The following CDH12 variants were observed in gnomAD, a reference collection of about 807,000 sequenced individuals.
The protein encoded by CDH12 is cadherin-12.
CDH12 carries 41 observed loss-of-function variants against 74.1 expected under a neutral mutation model. That is an observed-to-expected ratio of 0.55 (90% confidence interval 0.43 to 0.72). The LOEUF (loss-of-function observed/expected upper bound fraction) is 0.72, where lower values mean the gene tolerates loss of function less well. Ranked by LOEUF, CDH12 falls within the 30% of genes least tolerant of loss-of-function variation. The pLI, the probability that CDH12 is intolerant of heterozygous loss-of-function variation, is 0.00. For missense variants in CDH12, 945 were observed against 977.2 expected, an observed-to-expected ratio of 0.97 and a Z score of 0.44; for synonymous variants, 399 against 355.0, an observed-to-expected ratio of 1.12 and a Z score of -1.39.
intron 10 of CDH12, among the ~76,000 whole-genome samples, chr5:21,789,510 C>T (rs1239867556): frequency 6.6e-6 from 1 of 151,918 alleles, no homozygotes; most frequent in African/African-American, 2.4e-5. Context: ...TGTAAATGAG[C>T]GTCTTTTATT....
At chr5:22,448,369 T>C (rs1744912001) in intron 2 of CDH12, among the ~76,000 whole-genome samples, 3 of 151,844 alleles carry the variant, frequency 2.0e-5, no homozygotes, top group South Asian at 4.1e-4. Flanking sequence ...ATTTCCTCTG[T>C]TCCTTTTCCT....
At chr5:22,208,548 G>A (rs1049305501) in intron 4 of CDH12, among the ~76,000 whole-genome samples, 2 of 152,010 alleles carry the variant, frequency 1.3e-5, no homozygotes, top group Non-Finnish European at 2.9e-5. Context: ...TTCTTTTCCT[G>A]GCCACTAACT....
intron 1 of CDH12, among the ~76,000 whole-genome samples, chr5:22,563,734 T>G (rs1252311927): frequency 6.6e-6 from 1 of 152,178 alleles, no homozygotes; most frequent in Non-Finnish European, 1.5e-5. Context: ...AGAGGTTCAT[T>G]GGACTCATGG....
chr5:22,445,736 G>T (rs140065032), intron 2 of CDH12, among the ~76,000 whole-genome samples: 47 of 152,204 alleles, frequency 3.1e-4, no homozygotes, highest in Admixed American at 1.0e-3. Flanking sequence ...CCCCTGTCCT[G>T]GTGATTCAGC....
intron 1 of CDH12, among the ~76,000 whole-genome samples, chr5:22,600,213 T>C (rs944067948): frequency 8.5e-5 from 13 of 152,256 alleles, no homozygotes; most frequent in African/African-American, 2.9e-4. Flanking sequence ...AGTTACTATA[T>C]GTGAAGCATT....
At chr5:22,452,877 G>A (rs1371053877) in intron 2 of CDH12, among the ~76,000 whole-genome samples, 1 of 12,122 alleles carries the variant, frequency 8.2e-5, no homozygotes. Context: ...AACAACCTAA[G>A]AGCAAAAAAA....
chr5:22,785,332 T>A (rs1747570543), intron 1 of CDH12, among the ~76,000 whole-genome samples: 3 of 152,196 alleles, frequency 2.0e-5, no homozygotes. Context: ...TGATAAGTTG[T>A]GTACATTCTT....
intron 8 of CDH12, among the ~76,000 whole-genome samples, chr5:21,830,688 T>A (rs1748966752): frequency 6.6e-6 from 1 of 152,124 alleles, no homozygotes; most frequent in African/African-American, 2.4e-5. Flanking sequence ...TTCCCATCTG[T>A]ACCTTTCCAA....
chr5:22,445,174 GGAA>G (rs2126549596), intron 2 of CDH12, among the ~76,000 whole-genome samples: 1 of 152,114 alleles, frequency 6.6e-6, no homozygotes, highest in East Asian at 1.9e-4. Flanking sequence ...CCAATTTATA[GGAA>G]ACACAAAGAA....
intron 1 of CDH12, among the ~76,000 whole-genome samples, chr5:22,540,884 A>G (rs1260599961): frequency 6.6e-6 from 1 of 152,224 alleles, no homozygotes; most frequent in Non-Finnish European, 1.5e-5. Context: ...ATTTATATAT[A>G]TAGCAATTAT....
chr5:22,600,955 A>G (rs1336437721), intron 1 of CDH12, among the ~76,000 whole-genome samples: 1 of 152,088 alleles, frequency 6.6e-6, no homozygotes, highest in Non-Finnish European at 1.5e-5. Context: ...AATAACACCT[A>G]TGATGTGGTT....
Position 22,151,374 on chromosome 5 carries a change from C to T in CDH12, c.-187+61124G>A, listed in dbSNP as rs1747572301. Among the ~76,000 whole-genome samples the T allele has an allele frequency of 2.0e-5, 3 of 152,130 alleles. No homozygotes were observed. The South Asian group carries it at 6.2e-4, about 32-fold the overall frequency. On this transcript the variant is annotated intron_variant, in intron 4 of 14. Coordinates refer to ENST00000382254, the MANE Select transcript of CDH12 (RefSeq NM_004061.5). ...GTAAAGGAACTCACTTTGGGAAATA[C>T]CAGCTTAGAACTTAATAGGCTTATG... is the stretch of plus-strand genomic sequence containing the variant.
In CDH12 at chr5:21,765,180, T is replaced by G. The variant is rs539660103; in HGVS notation, c.1394-81A>C. 5 of 1,192,996 alleles carry G rather than the reference T, an allele frequency of 4.2e-6. No homozygotes were observed. In the African/African-American group the frequency reaches 6.4e-5, roughly 15 times the overall value. 73.9% of individuals were successfully genotyped at this position (1,192,996 alleles called of 1,614,324 possible). A position where few individuals can be genotyped will look rare whatever the true frequency, so the allele number is the denominator to read the frequency against. ...TCTACAATAAATAGTATTTACATTT[T>G]TAAAAATCAGCCTTTATATAGAATG... On this transcript the variant is annotated intron_variant, in intron 11 of 14. Transcript: ENST00000382254.
intron 3 of CDH12, among the ~76,000 whole-genome samples, chr5:22,324,794 T>G (rs1411633804): frequency 6.6e-6 from 1 of 152,142 alleles, no homozygotes; most frequent in Admixed American, 6.5e-5. Context: ...TAGAACACAG[T>G]AAGTTTCTTT....
chr5:21,755,754 G>A lies in CDH12; in HGVS notation c.1722C>T (p.Ser574=), dbSNP rs1363772908. Residue 574 remains serine, a synonymous_variant, in exon 14 of 15, where the codon AGC becomes AGT. Coordinates refer to ENST00000382254, the MANE Select transcript of CDH12 (RefSeq NM_004061.5). ...LYFLPVVIED[S]SYPVQSSTNT... Reference sequence around the variant, plus strand: ...TTGTGCTGCTCTGGACAGGGTAGCTGCTGTCTTCTATTACAACAGGGAGGA... The same window carrying A: ...TTGTGCTGCTCTGGACAGGGTAGCTACTGTCTTCTATTACAACAGGGAGGA... 5 of 1,613,858 alleles carry A rather than the reference G, an allele frequency of 3.1e-6. No homozygotes were observed. Among genetic ancestry groups the A allele is most frequent in the Non-Finnish European group, 4.2e-6 (5 of 1,179,900 alleles).
chr5:22,715,799 T>TA lies in CDH12; in HGVS notation c.-523+137258dup, dbSNP rs112471843. Among the ~76,000 whole-genome samples the TA allele has an allele frequency of 9.4e-3, 1,133 of 120,948 alleles. 11 individuals carry two copies. Among genetic ancestry groups the TA allele is most frequent in the Middle Eastern group, 0.032 (7 of 220 alleles). The allele number at this position is 120,948 out of a possible 152,430, so 79.3% of individuals were successfully genotyped here. A position where few individuals can be genotyped will look rare whatever the true frequency, so the allele number is the denominator to read the frequency against. ...CTGAGCTACAGAGTGAGATCCCATC[T>TA]AAAAAAAAAAAAAAAGAAAAAAAAG... is the stretch of plus-strand genomic sequence containing the variant. On this transcript the variant is annotated intron_variant, in intron 1 of 14. Transcript: ENST00000382254.
chr5:22,211,979 ATTTAAGT>A (rs1171763319), intron 4 of CDH12, among the ~76,000 whole-genome samples: 1 of 151,846 alleles, frequency 6.6e-6, no homozygotes, highest in Non-Finnish European at 1.5e-5. Context: ...AAACTATAAC[ATTTAAGT>A]TTTAAGTTCC....
intron 6 of CDH12, among the ~76,000 whole-genome samples, chr5:21,923,424 C>A (rs1754447681): frequency 6.6e-6 from 1 of 152,134 alleles, no homozygotes; most frequent in Non-Finnish European, 1.5e-5. Flanking sequence ...GACCTGAGAT[C>A]TTTCCCATAT....
chr5:22,479,933 C>T (rs563561937), intron 2 of CDH12, among the ~76,000 whole-genome samples: 7 of 152,092 alleles, frequency 4.6e-5, no homozygotes, highest in Admixed American at 2.6e-4. Context: ...TTGCCCCCAG[C>T]CCCCCAAAAT....
Sources: allele counts gnomAD v4.1 joint callset (sites outside exome capture counted in the v4.1 genomes callset), GRCh38; gene constraint gnomAD v4.1.1; transcripts MANE v1.5; gene names NCBI Gene and HGNC (gene_info 2026-07-23, HGNC 2026-07-21).